RUNX1: variants seen among roughly 807,000 people sequenced by gnomAD.
RUNX1 encodes runt-related transcription factor 1.
Under a neutral mutation model 42.8 loss-of-function variants are expected in RUNX1, and 19 were observed. The ratio of observed to expected loss-of-function variants is 0.44; its 90% CI spans 0.31 to 0.65. RUNX1 has a LOEUF of 0.65. Among genes scored for constraint, RUNX1 ranks in the 30% least tolerant of loss-of-function variants. The probability of loss-of-function intolerance (pLI) is 0.07; values close to 1 mark genes in which losing one functional copy is unlikely to be tolerated. For missense variants in RUNX1, 528 were observed against 672.0 expected (o/e 0.79, Z 2.37); for synonymous variants, 271 against 289.4 (o/e 0.94, Z 0.64).
intron 2 of RUNX1, among the ~76,000 whole-genome samples, chr21:34,975,652 T>C (rs1187140896): frequency 6.6e-6 from 1 of 152,158 alleles, no homozygotes; most frequent in African/African-American, 2.4e-5. Context: ...TTCCTAAAAG[T>C]TGTCCAAATG....
At chr21:35,025,095 C>T (rs1276643341) in intron 2 of RUNX1, among the ~76,000 whole-genome samples, 1 of 152,198 alleles carries the variant, frequency 6.6e-6, no homozygotes, top group Non-Finnish European at 1.5e-5. Context: ...TAGAATGGTG[C>T]TCCCTCTCCC....
Position 34,792,701 on chromosome 21 carries a change from G to A in RUNX1, c.968-91C>T, listed in dbSNP as rs1029733646. ...TCTGCCCCAGGGGGCTACCCAGGAT[G>A]ATACCGCCTAGGAGGATGGGAAGCC... On this transcript the variant is annotated intron_variant, in intron 8 of 8. Transcript: ENST00000675419. The surrounding 1 kb of genome is among the most constrained non-coding windows in gnomAD (Gnocchi z 6.9). 26 of 1,295,690 alleles carry A rather than the reference G, an allele frequency of 2.0e-5. No individual in the cohort carries two copies. Among genetic ancestry groups the A allele is most frequent in the Admixed American group, 6.9e-5 (3 of 43,608 alleles). 80.3% of individuals were successfully genotyped at this position (1,295,690 alleles called of 1,614,324 possible).
At chr21:34,961,740 T>C (rs1180003096) in intron 2 of RUNX1, among the ~76,000 whole-genome samples, 1 of 152,186 alleles carries the variant, frequency 6.6e-6, no homozygotes, top group African/African-American at 2.4e-5. Flanking sequence ...CTTTGCCAAA[T>C]AAATTTTCCA....
chr21:34,834,366 C>T lies in RUNX1; in HGVS notation c.805+44G>A, dbSNP rs2057110154. 1.9e-6 allele frequency: 3 copies of T among 1,597,704 alleles called. No individual in the cohort carries two copies. In the Admixed American group the frequency reaches 5.0e-5, roughly 27 times the overall value. The stretch of plus-strand genomic sequence containing the variant: ...ATGGGGGCCAGTTGTGGGTGGTGGC[C>T]CAGGTGCAGGAGAGGCGGGCAGTGG... On this transcript the variant is annotated intron_variant, in intron 7 of 8. Coordinates refer to ENST00000675419, the MANE Select transcript of RUNX1 (RefSeq NM_001754.5).
intron 5 of RUNX1, among the ~76,000 whole-genome samples, chr21:34,865,031 C>A (rs936036925): frequency 6.6e-6 from 1 of 152,050 alleles, no homozygotes; most frequent in Non-Finnish European, 1.5e-5. Context: ...CTCTCTGGGG[C>A]CTCAGCTTTG....
chr21:34,895,078 C>A (rs184361770), intron 2 of RUNX1, among the ~76,000 whole-genome samples: 45 of 152,212 alleles, frequency 3.0e-4, no homozygotes, highest in Non-Finnish European at 1.5e-5. Flanking sequence ...GGGTCTAGAT[C>A]AGAAAATATC....
chr21:34,817,423 T>C (rs1227452238), intron 7 of RUNX1, among the ~76,000 whole-genome samples: 1 of 152,214 alleles, frequency 6.6e-6, no homozygotes, highest in African/African-American at 2.4e-5. Context: ...CATATGGATT[T>C]TCCCTGTTGT....
chr21:34,849,535 T>C (rs1038937237), intron 6 of RUNX1, among the ~76,000 whole-genome samples: 2 of 128,190 alleles, frequency 1.6e-5, no homozygotes. Context: ...TCCAGAATAT[T>C]TGGCTATTCA....
intron 2 of RUNX1, among the ~76,000 whole-genome samples, chr21:34,946,941 G>A (rs1326671461): frequency 6.6e-6 from 1 of 152,168 alleles, no homozygotes; most frequent in Non-Finnish European, 1.5e-5. Context: ...CCTCCCTTGG[G>A]TCTGTAATGA....
chr21:34,898,272 G>T (rs1271869858), intron 2 of RUNX1, among the ~76,000 whole-genome samples: 1 of 152,190 alleles, frequency 6.6e-6, no homozygotes, highest in African/African-American at 2.4e-5. Flanking sequence ...ATCTAGTACA[G>T]CACCACCAGA....
intron 5 of RUNX1, among the ~76,000 whole-genome samples, chr21:34,872,119 C>T (rs2015876): frequency 0.16 from 23,808 of 152,182 alleles, 2,029 homozygotes; most frequent in African/African-American, 0.2. Context: ...GCTGGGATTA[C>T]AGGTGTGAGC....
At chr21:34,973,056 C>T (rs900565106) in intron 2 of RUNX1, among the ~76,000 whole-genome samples, 1 of 152,200 alleles carries the variant, frequency 6.6e-6, no homozygotes, top group Admixed American at 6.5e-5. Flanking sequence ...ATATCCCAAA[C>T]TAATCACTTG....
At chr21:34,922,676 A>G (rs2146560769) in intron 2 of RUNX1, among the ~76,000 whole-genome samples, 1 of 152,286 alleles carries the variant, frequency 6.6e-6, no homozygotes, top group African/African-American at 2.4e-5. Flanking sequence ...TGCCTGCTGG[A>G]GTCCCCCCTG....
chr21:34,953,211 C>T (rs944989464), intron 2 of RUNX1, among the ~76,000 whole-genome samples: 3 of 151,982 alleles, frequency 2.0e-5, no homozygotes, highest in African/African-American at 7.3e-5. Context: ...TTGACAAGTG[C>T]CTGTTTTGTG....
chr21:35,001,416 A>G (rs768976988), intron 2 of RUNX1, among the ~76,000 whole-genome samples: 15 of 151,718 alleles, frequency 9.9e-5, no homozygotes, highest in African/African-American at 1.9e-4. Flanking sequence ...AATGTTGGCA[A>G]TAATAATTAC....
chr21:34,966,945 G>A (rs1225353167), intron 2 of RUNX1, among the ~76,000 whole-genome samples: 1 of 151,784 alleles, frequency 6.6e-6, no homozygotes, highest in African/African-American at 2.4e-5. Flanking sequence ...TAAGAGTAAG[G>A]GCATATTTAA....
rs150250325 is a variant in RUNX1 at position 34,817,833 on chromosome 21, C to A, written c.805+16577G>T. Among the ~76,000 whole-genome samples, 876 of 152,234 alleles carry A rather than the reference C, an allele frequency of 5.8e-3. 9 individuals carry two copies. Among genetic ancestry groups the A allele is most frequent in the African/African-American group, 0.019 (807 of 41,532 alleles). On this transcript the variant is annotated intron_variant, in intron 7 of 8. Transcript: ENST00000675419. ...AATGATCCTTCAGAGCGATCATCAC[C>A]CTTGAGGGGTGCCAGCCTGTACCCA... is the stretch of plus-strand genomic sequence containing the variant.
chr21:35,034,861 C>A (rs1443258262), intron 2 of RUNX1, among the ~76,000 whole-genome samples: 1 of 152,186 alleles, frequency 6.6e-6, no homozygotes, highest in Non-Finnish European at 1.5e-5. Context: ...GAGAGATGTA[C>A]AGGAGGAAGA....
intron 7 of RUNX1, among the ~76,000 whole-genome samples, chr21:34,810,864 G>A (rs1259233091): frequency 6.6e-6 from 1 of 152,188 alleles, no homozygotes; most frequent in Non-Finnish European, 1.5e-5. Context: ...AGAAGAGGGA[G>A]AGGCTTGGTC....
Sources: gnomAD v4.1 joint callset for allele counts (sites outside exome capture counted in the v4.1 genomes callset) on GRCh38, gnomAD v4.1.1 for gene constraint, Gnocchi (gnomAD v3.1) non-coding constraint, MANE v1.5 for transcripts, NCBI Gene and HGNC (gene_info 2026-07-23, HGNC 2026-07-21) for gene names.